YIPF7: variants seen among roughly 807,000 people sequenced by gnomAD.
The protein encoded by YIPF7 is Yip1 domain family member 7.
A neutral mutation model predicts 27.2 loss-of-function variants in YIPF7; 35 were observed. That is an observed-to-expected ratio of 1.29 (90% CI 0.98 to 1.70). The LOEUF (loss-of-function observed/expected upper bound fraction) is 1.70, where lower values mean the gene tolerates loss of function less well. Ranked by LOEUF, YIPF7 falls within the 40% of genes most tolerant of loss-of-function variation. YIPF7 has a pLI of 0.00. For missense variants in YIPF7, 358 were observed against 303.7 expected (o/e 1.18, Z -1.33); for synonymous variants, 137 against 110.4 (o/e 1.24, Z -1.51).
intron 3 of YIPF7, among the ~76,000 whole-genome samples, chr4:44,631,631 T>A (rs1243196029): frequency 2.0e-5 from 3 of 152,108 alleles, no homozygotes; most frequent in Non-Finnish European, 4.4e-5. Flanking sequence ...AGCAAATAAT[T>A]TACATTTCTG....
chr4:44,651,090 A>AT (rs1212313210), intron 1 of YIPF7, among the ~76,000 whole-genome samples: 1 of 152,230 alleles, frequency 6.6e-6, no homozygotes, highest in Non-Finnish European at 1.5e-5. Context: ...ACTTATAAAA[A>AT]TATCAAATGA....
At chr4:44,660,280 T>C (rs1714014315) in intron 2 of YIPF7, among the ~76,000 whole-genome samples, 1 of 152,080 alleles carries the variant, frequency 6.6e-6, no homozygotes, top group Non-Finnish European at 1.5e-5. Context: ...AAAAGGGATG[T>C]AATTTCCTTC....
chr4:44,633,774 T>C (rs781418939), intron 3 of YIPF7, among the ~76,000 whole-genome samples: 15 of 151,990 alleles, frequency 9.9e-5, no homozygotes, highest in Non-Finnish European at 1.9e-4. Context: ...GGTTACTATA[T>C]AAAATCCCTA....
At chr4:44,632,300 A>G (rs1712933595) in intron 3 of YIPF7, among the ~76,000 whole-genome samples, 1 of 152,218 alleles carries the variant, frequency 6.6e-6, no homozygotes, top group Non-Finnish European at 1.5e-5. Context: ...GCTGTCATCT[A>G]GTGGTAGTAA....
chr4:44,623,349 G>T (rs962645772), intron 5 of YIPF7, among the ~76,000 whole-genome samples: 1 of 152,162 alleles, frequency 6.6e-6, no homozygotes, highest in African/African-American at 2.4e-5. Context: ...AGAAATCTCA[G>T]GAGATGTCTA....
chr4:44,651,662 T>C (rs755051908), upstream of YIPF7: 65 of 1,472,000 alleles, frequency 4.4e-5, no homozygotes, highest in South Asian at 3.8e-4. Flanking sequence ...TATATACCTT[T>C]CTAAATTTGT....
upstream of YIPF7, among the ~76,000 whole-genome samples, chr4:44,653,327 G>A (rs4235133): frequency 0.53 from 80,146 of 151,680 alleles, 22,536 homozygotes; most frequent in Non-Finnish European, 0.64. Flanking sequence ...AGTATAAAAT[G>A]TGATGATTCC....
intron 2 of YIPF7, among the ~76,000 whole-genome samples, chr4:44,639,499 T>G (rs1209651878): frequency 6.6e-6 from 1 of 152,212 alleles, no homozygotes; most frequent in Non-Finnish European, 1.5e-5. Context: ...AGACAGTTAT[T>G]GCTGTATAGA....
intron 2 of YIPF7, among the ~76,000 whole-genome samples, chr4:44,644,682 T>TG (rs1294896947): frequency 2.6e-5 from 4 of 152,140 alleles, no homozygotes; most frequent in African/African-American, 9.7e-5. Context: ...GTTAAGACTT[T>TG]GGGGAACTGT....
chr4:44,638,138 C>A (rs1013512311), intron 2 of YIPF7, among the ~76,000 whole-genome samples: 1 of 150,600 alleles, frequency 6.6e-6, no homozygotes, highest in Non-Finnish European at 1.5e-5. Context: ...AACCATGATG[C>A]GATACCACCT....
At chr4:44,646,714 G>A (rs1713538033) in intron 2 of YIPF7, among the ~76,000 whole-genome samples, 1 of 152,128 alleles carries the variant, frequency 6.6e-6, no homozygotes, top group Non-Finnish European at 1.5e-5. Flanking sequence ...GTCTTAGTGA[G>A]CACAGTCACC....
At chr4:44,628,486 C>T (rs768129949) in intron 4 of YIPF7, among the ~76,000 whole-genome samples, 1 of 152,080 alleles carries the variant, frequency 6.6e-6, no homozygotes, top group Non-Finnish European at 1.5e-5. Flanking sequence ...ATTGTAAGAG[C>T]TTTTCCTATA....
At chr4:44,636,314 C>A (rs1174218806) in intron 2 of YIPF7, among the ~76,000 whole-genome samples, 1 of 152,180 alleles carries the variant, frequency 6.6e-6, no homozygotes, top group Admixed American at 6.5e-5. Context: ...TGAGCATGGA[C>A]AACATGCTGA....
At chr4:44,654,031 A>C (rs1485438695), upstream of YIPF7, among the ~76,000 whole-genome samples, 1 of 152,064 alleles carries the variant, frequency 6.6e-6, no homozygotes, top group Non-Finnish European at 1.5e-5. Flanking sequence ...ATGGCATATA[A>C]AAAAATTAAT....
intron 2 of YIPF7, among the ~76,000 whole-genome samples, chr4:44,639,939 T>C (rs900772033): frequency 3.3e-5 from 5 of 152,218 alleles, no homozygotes; most frequent in Admixed American, 1.3e-4. Context: ...TCTGCATCCA[T>C]TGAGATAATC....
At chr4:44,623,586 A>G (rs1712517836) in intron 5 of YIPF7, among the ~76,000 whole-genome samples, 2 of 152,230 alleles carry the variant, frequency 1.3e-5, no homozygotes, top group South Asian at 4.1e-4. Flanking sequence ...GCTCCACAGT[A>G]TAGCTTCTAA....
At chr4:44,637,450 A>G (rs370912552) in intron 2 of YIPF7, among the ~76,000 whole-genome samples, 15 of 152,336 alleles carry the variant, frequency 9.8e-5, no homozygotes, top group African/African-American at 3.6e-4. Flanking sequence ...GACTGGGGGA[A>G]GATGATATCT....
rs751995338 is a variant in YIPF7, at chr4:44,635,902, ATAACACTTCCT to A, written c.280+9_280+19del. On this transcript the variant is annotated intron_variant, in intron 3 of 5. Transcript: ENST00000415895. ...TATTCTTCTAGCTGTACACACATTA[ATAACACTTCCT>A]TAACTTATCTTCTAGCAAAGGAGGC... is the stretch of plus-strand genomic sequence containing the variant. The A allele has an allele frequency of 6.2e-7, 1 of 1,612,750 alleles. No individual in the cohort carries two copies. The highest frequency in any genetic ancestry group is 1.1e-5 in the South Asian group (1 of 90,906).
At chr4:44,624,075 T>C (rs1712534884) in intron 5 of YIPF7, among the ~76,000 whole-genome samples, 1 of 151,554 alleles carries the variant, frequency 6.6e-6, no homozygotes, top group Admixed American at 6.6e-5. Context: ...TTTTTTTTTT[T>C]TTATTTTGAG....
Sources: allele counts gnomAD v4.1 joint callset (sites outside exome capture counted in the v4.1 genomes callset), GRCh38; gene constraint gnomAD v4.1.1; transcripts MANE v1.5; gene names NCBI Gene and HGNC (gene_info 2026-07-23, HGNC 2026-07-21).